GOLPH3L: variants seen among roughly 807,000 people sequenced by gnomAD.
GOLPH3L encodes the protein golgi phosphoprotein 3 like, also known as Golgi phosphoprotein 3-like.
GOLPH3L carries 22 observed loss-of-function variants against 30.3 expected under a neutral mutation model. That is an observed-to-expected ratio of 0.73 (90% CI 0.52 to 1.04). The LOEUF (loss-of-function observed/expected upper bound fraction) is 1.04. Ranked by LOEUF, GOLPH3L falls within the 50% of genes least tolerant of loss-of-function variation. The pLI, the probability that GOLPH3L is intolerant of heterozygous loss-of-function variation, is 0.00. For missense variants in GOLPH3L, 303 were observed against 345.8 expected (o/e 0.88, Z 0.98); for synonymous variants, 120 against 128.2 (o/e 0.94, Z 0.43).
chr1:150,667,072 C>T (rs587717023), intron 2 of GOLPH3L, among the ~76,000 whole-genome samples: 26 of 152,314 alleles, frequency 1.7e-4, no homozygotes, highest in Non-Finnish European at 2.6e-4. Flanking sequence ...ACTGGGAGCA[C>T]ATTTAAGCCT....
chr1:150,661,992 A>G (rs1226790846), intron 3 of GOLPH3L, 64 bp from the exon 4 acceptor site: 5 of 797,546 alleles, frequency 6.3e-6, no homozygotes, highest in Non-Finnish European at 1.1e-5. Flanking sequence ...AAATCTTTCA[A>G]TATATCATGT....
chr1:150,678,639 G>A (rs1286893311), intron 2 of GOLPH3L, among the ~76,000 whole-genome samples: 2 of 152,120 alleles, frequency 1.3e-5, no homozygotes, highest in East Asian at 1.9e-4. Context: ...ATTTTTGTAT[G>A]CCTGAATTAT....
At position 150,659,310 on chromosome 1, in the gene GOLPH3L, C is replaced by CTA. The variant is rs1210283959; in HGVS notation, c.430+2503_430+2504insTA. Among the ~76,000 whole-genome samples, 3 of 152,226 alleles carry CTA rather than the reference C, an allele frequency of 2.0e-5. No individual in the cohort carries two copies. In the East Asian group the frequency reaches 5.8e-4, roughly 29 times the overall value. On this transcript the variant is annotated intron_variant, in intron 4 of 4. Transcript: ENST00000271732. ...AAAATCTCTGCAGCACTGTGACATGCTTGTGATGGCCTTGATGCCCATGCT... is the reference window on the plus strand; with the variant it reads ...AAAATCTCTGCAGCACTGTGACATGCTATTGTGATGGCCTTGATGCCCATGCT...
intron 3 of GOLPH3L, 57 bp downstream of exon 3, chr1:150,663,575 T>C (rs1398292559): frequency 2.7e-6 from 4 of 1,478,384 alleles, no homozygotes; most frequent in African/African-American, 1.4e-5. Context: ...TCTTCCCAAA[T>C]GTACTGTTGG....
chr1:150,659,715 C>G (rs1344402039), intron 4 of GOLPH3L, among the ~76,000 whole-genome samples: 2 of 151,996 alleles, frequency 1.3e-5, no homozygotes, highest in African/African-American at 4.8e-5. Context: ...CTGGTCTCGG[C>G]AAGATTAATA....
At chr1:150,654,178 C>G (rs1242659790) in intron 4 of GOLPH3L, among the ~76,000 whole-genome samples, 1 of 151,904 alleles carries the variant, frequency 6.6e-6, no homozygotes, top group Non-Finnish European at 1.5e-5. Context: ...AAAGGAAATT[C>G]TGGAGCTAAA....
chr1:150,689,067 TAAAC>T (rs1425706601), intron 2 of GOLPH3L, among the ~76,000 whole-genome samples: 2 of 152,130 alleles, frequency 1.3e-5, no homozygotes, highest in Non-Finnish European at 2.9e-5. Flanking sequence ...TTTTGGTGAT[TAAAC>T]AAATAAGTGA....
chr1:150,690,923 A>T (rs114398741), intron 2 of GOLPH3L, among the ~76,000 whole-genome samples: 5,022 of 152,326 alleles, frequency 0.033, 106 homozygotes, highest in Non-Finnish European at 0.047. Context: ...CTTTAAAAAA[A>T]ATATTTTGCA....
chr1:150,674,769 G>A (rs1650731775), intron 2 of GOLPH3L, among the ~76,000 whole-genome samples: 1 of 151,978 alleles, frequency 6.6e-6, no homozygotes, highest in East Asian at 2.0e-4. Context: ...GCACATGCCT[G>A]TAGTCCCACT....
chr1:150,659,836 C>A (rs1650329122), intron 4 of GOLPH3L, among the ~76,000 whole-genome samples: 1 of 152,034 alleles, frequency 6.6e-6, no homozygotes, highest in Non-Finnish European at 1.5e-5. Flanking sequence ...AGTTCAGAGA[C>A]CAGCCTGGGT....
chr1:150,667,587 TTTTC>T (rs1295206461), intron 2 of GOLPH3L, among the ~76,000 whole-genome samples: 36 of 145,118 alleles, frequency 2.5e-4, no homozygotes, highest in Admixed American at 4.4e-4. Context: ...TTTTCTTTTT[TTTTC>T]TTTCTTTTTT....
chr1:150,679,952 G>T (rs1270664053), intron 2 of GOLPH3L, among the ~76,000 whole-genome samples: 1 of 151,870 alleles, frequency 6.6e-6, no homozygotes, highest in African/African-American at 2.4e-5. Flanking sequence ...TTTAAAAAAA[G>T]AATAATAATA....
chr1:150,667,168 G>A (rs1196988224), intron 2 of GOLPH3L, among the ~76,000 whole-genome samples: 2 of 152,124 alleles, frequency 1.3e-5, no homozygotes, highest in Non-Finnish European at 2.9e-5. Flanking sequence ...ATTTGCCCCA[G>A]GGTAATTTGA....
At chr1:150,685,574 C>T (rs1041238248) in intron 2 of GOLPH3L, among the ~76,000 whole-genome samples, 4 of 151,844 alleles carry the variant, frequency 2.6e-5, no homozygotes, top group Non-Finnish European at 2.9e-5. Context: ...ATTAGCCAGG[C>T]GTGGTGGCAT....
chr1:150,658,669 T>C (rs587616153), intron 4 of GOLPH3L, among the ~76,000 whole-genome samples: 17 of 152,302 alleles, frequency 1.1e-4, no homozygotes, highest in African/African-American at 3.9e-4. Flanking sequence ...TTAGCTTGAA[T>C]TGCACCTCTC....
chr1:150,674,964 C>G (rs587668498), intron 2 of GOLPH3L, among the ~76,000 whole-genome samples: 2 of 152,174 alleles, frequency 1.3e-5, no homozygotes, highest in East Asian at 2.0e-4. Flanking sequence ...AATCATGGCT[C>G]ACTGCAGCCT....
intron 2 of GOLPH3L, among the ~76,000 whole-genome samples, chr1:150,678,284 C>CAAAAAAAAAAAAAAA (rs75131824): frequency 8.7e-5 from 4 of 45,926 alleles, no homozygotes; most frequent in Non-Finnish European, 1.2e-4. Flanking sequence ...AACTCCGTCT[C>CAAAAAAAAAAAAAAA]AAAAAAAAAA....
At chr1:150,653,867 A>T (rs587758743) in intron 4 of GOLPH3L, among the ~76,000 whole-genome samples, 2 of 151,754 alleles carry the variant, frequency 1.3e-5, no homozygotes, top group East Asian at 3.9e-4. Flanking sequence ...GGTTCAGGTG[A>T]TTCTCCTGCC....
At chr1:150,662,349 TA>T (rs1383546551) in intron 3 of GOLPH3L, among the ~76,000 whole-genome samples, 1 of 151,688 alleles carries the variant, frequency 6.6e-6, no homozygotes, top group Non-Finnish European at 1.5e-5. Context: ...TTTTCTCTAT[TA>T]AAAAAATAAA....
Sources: gnomAD v4.1 joint callset for allele counts (sites outside exome capture counted in the v4.1 genomes callset) on GRCh38, gnomAD v4.1.1 for gene constraint, MANE v1.5 for transcripts, NCBI Gene and HGNC (gene_info 2026-07-23, HGNC 2026-07-21) for gene names.